Variants in GABBR2 observed in about 807,000 individuals in gnomAD.
GABBR2 encodes G-protein coupled receptor 51.
Under a neutral mutation model 105.6 loss-of-function variants are expected in GABBR2, and 23 were observed. The ratio of observed to expected loss-of-function variants is 0.22; its 90% CI spans 0.16 to 0.31. The LOEUF (loss-of-function observed/expected upper bound fraction) is 0.31. Ranked by LOEUF, GABBR2 falls within the 10% of genes least tolerant of loss-of-function variation. GABBR2 has a pLI of 1.00. For missense variants in GABBR2, 734 were observed against 1,245.5 expected (o/e 0.59, Z 6.18); for synonymous variants, 478 against 499.7 (o/e 0.96, Z 0.58).
intron 10 of GABBR2, among the ~76,000 whole-genome samples, chr9:98,387,159 G>T (rs1211452738): frequency 7.9e-5 from 12 of 152,174 alleles, no homozygotes; most frequent in Admixed American, 7.2e-4. Flanking sequence ...GAAGTAGGGG[G>T]AGGGATTGGG....
chr9:98,506,727 G>C (rs1013858691), intron 3 of GABBR2, among the ~76,000 whole-genome samples: 1 of 152,222 alleles, frequency 6.6e-6, no homozygotes, highest in African/African-American at 2.4e-5. Flanking sequence ...ATGGCAGAGA[G>C]TGTCAGGCAC....
chr9:98,685,293 G>A (rs1379636730), intron 1 of GABBR2, among the ~76,000 whole-genome samples: 2 of 152,258 alleles, frequency 1.3e-5, no homozygotes, highest in Non-Finnish European at 2.9e-5. Flanking sequence ...CAGACTGAAA[G>A]CTGCACTGTT....
intron 13 of GABBR2, among the ~76,000 whole-genome samples, chr9:98,334,773 T>A (rs1042133496): frequency 2.6e-5 from 4 of 152,204 alleles, no homozygotes; most frequent in Non-Finnish European, 4.4e-5. Context: ...CAGAGCATCT[T>A]TGGGGCATGT....
intron 13 of GABBR2, among the ~76,000 whole-genome samples, chr9:98,316,866 C>T (rs936936712): frequency 6.6e-6 from 1 of 152,136 alleles, no homozygotes; most frequent in Non-Finnish European, 1.5e-5. Flanking sequence ...AAGTAACTTG[C>T]CCAAGATCTC....
rs191251048 is a variant in GABBR2 at position 98,453,663 on chromosome 9, C to G, written c.1236+318G>C. 2.3e-3 allele frequency among the ~76,000 whole-genome samples: 353 copies of G among 152,342 alleles called. 1 individual carries two copies. The highest frequency in any genetic ancestry group is 3.9e-3 in the South Asian group (19 of 4,828). The stretch of plus-strand genomic sequence containing the variant: ...TGCCAGGGAGCACAGAGCCACTGCT[C>G]TAAAATGTAAATAGCCAAAAGGATA... On this transcript the variant is annotated intron_variant, in intron 7 of 18. Transcript: ENST00000259455.
chr9:98,627,236 G>A (rs1829751197), intron 1 of GABBR2, among the ~76,000 whole-genome samples: 1 of 152,144 alleles, frequency 6.6e-6, no homozygotes, highest in Admixed American at 6.5e-5. Flanking sequence ...GAATAAGCTA[G>A]TGAGACCGGA....
chr9:98,541,427 T>A (rs773177472), intron 3 of GABBR2, among the ~76,000 whole-genome samples: 1 of 152,094 alleles, frequency 6.6e-6, no homozygotes, highest in Non-Finnish European at 1.5e-5. Flanking sequence ...TTAAGGTGTG[T>A]TTGTAAGTCA....
At chr9:98,514,081 A>G (rs1255941258) in intron 3 of GABBR2, among the ~76,000 whole-genome samples, 2 of 146,442 alleles carry the variant, frequency 1.4e-5, no homozygotes, top group Non-Finnish European at 3.1e-5. Context: ...GCTATAAAAA[A>G]TGATGAGTTC....
At chr9:98,379,125 G>A (rs867874025) in intron 11 of GABBR2, among the ~76,000 whole-genome samples, 28 of 152,322 alleles carry the variant, frequency 1.8e-4, no homozygotes, top group African/African-American at 4.8e-4. Context: ...AGGTGGCAGA[G>A]GCAACCACCA....
In GABBR2 at chr9:98,306,884, G is replaced by A. The variant is rs143371263; in HGVS notation, c.2005-539C>T. On this transcript the variant is annotated intron_variant, in intron 14 of 18. Coordinates refer to ENST00000259455, the MANE Select transcript of GABBR2 (RefSeq NM_005458.8). This position sits in a 1 kb window ranked among gnomAD's most constrained non-coding sequence, Gnocchi z 5.4. ...TTTTCAGCTGCCCTAGAGGCTAGGC[G>A]TGGCATATTGCTAGCTTCTGGACAA... is the stretch of plus-strand genomic sequence containing the variant. Among the ~76,000 whole-genome samples the A allele has an allele frequency of 6.6e-6, 1 of 152,316 alleles. No homozygotes were observed. Among genetic ancestry groups the A allele is most frequent in the South Asian group, 2.1e-4 (1 of 4,830 alleles).
chr9:98,702,080 G>A (rs910812549), intron 1 of GABBR2, among the ~76,000 whole-genome samples: 8 of 151,984 alleles, frequency 5.3e-5, no homozygotes, highest in Admixed American at 6.5e-5. Context: ...TGAAGAAACC[G>A]AGGCAAACAG....
intron 8 of GABBR2, among the ~76,000 whole-genome samples, chr9:98,401,031 G>A (rs780886307): frequency 1.1e-4 from 17 of 151,908 alleles, no homozygotes; most frequent in African/African-American, 2.4e-4. Context: ...GAAATTCCTC[G>A]GGGGAGAGTG....
intron 1 of GABBR2, among the ~76,000 whole-genome samples, chr9:98,668,883 TTGTGTGTGTGTGTGTGTGTG>T (rs35341252): frequency 6.8e-6 from 1 of 147,612 alleles, no homozygotes; most frequent in African/African-American, 2.5e-5. Flanking sequence ...ATATTCCATT[TTGTGTGTGTGTGTGTGTGTG>T]TGTGTGTGTG....
At chr9:98,373,702 G>C (rs945200603) in intron 11 of GABBR2, among the ~76,000 whole-genome samples, 6 of 152,086 alleles carry the variant, frequency 3.9e-5, no homozygotes, top group Non-Finnish European at 2.9e-5. Flanking sequence ...ACATTCTCTT[G>C]AACATGTTTA....
chr9:98,557,397 G>A (rs1828604649), intron 2 of GABBR2, among the ~76,000 whole-genome samples: 1 of 152,178 alleles, frequency 6.6e-6, no homozygotes, highest in Non-Finnish European at 1.5e-5. Context: ...TTGAATAAAT[G>A]AATGCAGAGG....
chr9:98,376,494 C>T (rs1831875670), intron 11 of GABBR2, among the ~76,000 whole-genome samples: 1 of 152,148 alleles, frequency 6.6e-6, no homozygotes, highest in Non-Finnish European at 1.5e-5. Context: ...ATTCTGACTG[C>T]TCATCCTAGG....
chr9:98,385,879 A>AG (rs1832063241), intron 10 of GABBR2, 107 bp from the exon 11 acceptor site: 1 of 853,290 alleles, frequency 1.2e-6, no homozygotes, highest in South Asian at 1.6e-5. Flanking sequence ...CTCAGGCTAG[A>AG]GGGGAGAGAG....
chr9:98,378,221 C>T (rs899019689), intron 11 of GABBR2, among the ~76,000 whole-genome samples: 1 of 152,136 alleles, frequency 6.6e-6, no homozygotes, highest in Non-Finnish European at 1.5e-5. Context: ...AATCCCAGTA[C>T]CTCTAGGAGG....
At chr9:98,609,730 T>C (rs1588251232) in intron 1 of GABBR2, among the ~76,000 whole-genome samples, 2 of 152,178 alleles carry the variant, frequency 1.3e-5, no homozygotes, top group Non-Finnish European at 2.9e-5. Context: ...GGGGCAGAGC[T>C]GGGCTCCAGG....
Sources: gnomAD v4.1 joint callset for allele counts (sites outside exome capture counted in the v4.1 genomes callset) on GRCh38, gnomAD v4.1.1 for gene constraint, Gnocchi (gnomAD v3.1) non-coding constraint, MANE v1.5 for transcripts, NCBI Gene and HGNC (gene_info 2026-07-23, HGNC 2026-07-21) for gene names.